The following DYNC2H1 variants were observed in gnomAD, a reference collection of about 807,000 sequenced individuals.
The protein encoded by DYNC2H1 is cytoplasmic dynein 2 heavy chain 1.
In DYNC2H1, 410 loss-of-function variants were observed where a neutral mutation model predicts 570.0. The ratio of observed to expected loss-of-function variants is 0.72; its 90% CI spans 0.66 to 0.78. The LOEUF (loss-of-function observed/expected upper bound fraction) is 0.78, where lower values mean the gene tolerates loss of function less well. Ranked by LOEUF, DYNC2H1 falls within the 30% of genes least tolerant of loss-of-function variation. The probability of loss-of-function intolerance (pLI) is 0.00; values close to 1 mark genes in which losing one functional copy is unlikely to be tolerated. For missense variants in DYNC2H1, 4,865 were observed against 5,046.4 expected (o/e 0.96, Z 1.09); for synonymous variants, 1,688 against 1,677.6 (o/e 1.01, Z -0.15).
Position 103,479,355 on chromosome 11 carries a change from A to T in DYNC2H1, c.*102A>T. ...TCTACATTTGAAATGTTAGTTCAAAATATTAACATATAGTTATGTTGTTGA... is the reference window on the plus strand; with the variant it reads ...TCTACATTTGAAATGTTAGTTCAAATTATTAACATATAGTTATGTTGTTGA... On this transcript the variant is annotated 3_prime_UTR_variant, in exon 89 of 89. Transcript: ENST00000375735. 2 of 1,307,444 alleles carry T rather than the reference A, an allele frequency of 1.5e-6. No individual in the cohort carries two copies. Among genetic ancestry groups the T allele is most frequent in the East Asian group, 5.0e-5 (2 of 39,632 alleles). 81.0% of individuals were successfully genotyped at this position (1,307,444 alleles called of 1,614,324 possible).
intron 34 of DYNC2H1, among the ~76,000 whole-genome samples, 193 bp downstream of exon 34, chr11:103,171,261 C>CT (rs1464035686): frequency 2.7e-5 from 4 of 150,682 alleles, no homozygotes; most frequent in African/African-American, 7.3e-5. Context: ...TTTCATTATT[C>CT]TTTTTTTTTG....
chr11:103,412,203 C>T (rs1383447548), intron 84 of DYNC2H1, among the ~76,000 whole-genome samples: 5 of 151,974 alleles, frequency 3.3e-5, no homozygotes, highest in Non-Finnish European at 1.5e-5. Flanking sequence ...TGATGCCATA[C>T]GATTTAATGT....
chr11:103,234,140 C>T lies in DYNC2H1; in HGVS notation c.9547C>T (p.His3183Tyr). ...EVLINQLDRE[H>Y]KRWNAQVVEI... ...CTTAATTAATCAGCTTGACAGAGAA[C>T]ATAAGAGATGGAATGCACAGGTTTG... is the stretch of plus-strand genomic sequence containing the variant. The change falls in exon 61 of 89, where the codon CAT becomes TAT. Residue 3183 changes from histidine to tyrosine, a missense_variant. Coordinates refer to ENST00000375735, the MANE Select transcript of DYNC2H1 (RefSeq NM_001377.3). The T allele has an allele frequency of 6.3e-7, 1 of 1,584,340 alleles. No individual in the cohort carries two copies. The highest frequency in any genetic ancestry group is 8.6e-7 in the Non-Finnish European group (1 of 1,163,930).
intron 17 of DYNC2H1, among the ~76,000 whole-genome samples, chr11:103,139,830 T>C (rs1400371100): frequency 2.6e-5 from 4 of 152,106 alleles, no homozygotes; most frequent in South Asian, 4.1e-4. Flanking sequence ...AAGTCTTCCA[T>C]TATTATTGTG....
At chr11:103,255,565 T>C in intron 67 of DYNC2H1, 31 bp downstream of exon 67, 1 of 1,503,188 alleles carries the variant, frequency 6.7e-7, no homozygotes, top group Non-Finnish European at 8.8e-7. Context: ...GTTACTTTTT[T>C]CGTATTACTT....
chr11:103,334,713 T>C lies in DYNC2H1; in HGVS notation c.12039+10723T>C, dbSNP rs1162360205. Among the ~76,000 whole-genome samples the C allele has an allele frequency of 6.6e-6, 1 of 152,104 alleles. No homozygotes were observed. Among genetic ancestry groups the C allele is most frequent in the East Asian group, 1.9e-4 (1 of 5,196 alleles). The stretch of plus-strand genomic sequence containing the variant: ...TGCCCATTTAAATTTGAAAATGTTC[T>C]GGTAAGCAAATTTCTTAATAATTAA... On this transcript the variant is annotated intron_variant, in intron 82 of 88. Transcript: ENST00000375735. The surrounding 1 kb of genome is among the most constrained non-coding windows in gnomAD (Gnocchi z 4.3).
intron 83 of DYNC2H1, among the ~76,000 whole-genome samples, chr11:103,389,491 A>G (rs1486191479): frequency 6.7e-6 from 1 of 149,454 alleles, no homozygotes. Flanking sequence ...TTGTGTCTCT[A>G]TTTCCTTCAT....
intron 85 of DYNC2H1, 115 bp downstream of exon 85, chr11:103,436,147 A>T (rs1944052000): frequency 1.3e-6 from 1 of 793,776 alleles, no homozygotes; most frequent in Non-Finnish European, 1.9e-6. Flanking sequence ...CACATAAAAC[A>T]TCATATATTC....
At chr11:103,428,608 G>A (rs1943767397) in intron 84 of DYNC2H1, among the ~76,000 whole-genome samples, 1 of 152,038 alleles carries the variant, frequency 6.6e-6, no homozygotes, top group African/African-American at 2.4e-5. Context: ...TTGAAAAACT[G>A]AAACTCTGTC....
intron 40 of DYNC2H1, 143 bp downstream of exon 40, chr11:103,182,029 T>C: frequency 1.3e-6 from 1 of 781,358 alleles, no homozygotes; most frequent in East Asian, 2.8e-5. Context: ...TACTCCTCTG[T>C]ATCTCTTAGC....
intron 79 of DYNC2H1, among the ~76,000 whole-genome samples, chr11:103,314,930 T>A (rs1485757264): frequency 6.6e-6 from 1 of 152,116 alleles, no homozygotes; most frequent in African/African-American, 2.4e-5. Context: ...AACAGAATGA[T>A]ATAAGAAATT....
intron 32 of DYNC2H1, among the ~76,000 whole-genome samples, chr11:103,169,456 A>G (rs118181466): frequency 0.015 from 2,339 of 152,278 alleles, 30 homozygotes; most frequent in Non-Finnish European, 0.024. Flanking sequence ...TTCTATCATA[A>G]TGAATGAATC....
At chr11:103,469,952 T>C (rs545521078) in intron 88 of DYNC2H1, among the ~76,000 whole-genome samples, 1 of 152,116 alleles carries the variant, frequency 6.6e-6, no homozygotes, top group Non-Finnish European at 1.5e-5. Context: ...TTCCAACGAA[T>C]TTAAATTATA....
rs143710298 is a variant in DYNC2H1, at chr11:103,289,832, C to A, written c.11095+2227C>A. 4.6e-5 allele frequency among the ~76,000 whole-genome samples: 7 copies of A among 152,152 alleles called. No homozygotes were observed. In the East Asian group the frequency reaches 1.4e-3, roughly 30 times the overall value. On this transcript the variant is annotated intron_variant, in intron 75 of 88. Transcript: ENST00000375735. The surrounding 1 kb of genome is among the most constrained non-coding windows in gnomAD (Gnocchi z 4.2). ...ATAATGTTGAATTAAATTTGACATC[C>A]TATATTTAGTTACGATATTTGGACT...
intron 59 of DYNC2H1, 79 bp downstream of exon 59, chr11:103,223,165 AT>A: frequency 2.3e-6 from 3 of 1,327,568 alleles, no homozygotes; most frequent in South Asian, 3.5e-5. Context: ...TATTATTTTT[AT>A]TTTTTCTCTA....
In DYNC2H1 at chr11:103,287,527, T is replaced by G; in HGVS notation, c.11023-6T>G. 6.3e-7 allele frequency: 1 copy of G among 1,598,926 alleles called. No homozygotes were observed. The highest frequency in any genetic ancestry group is 8.5e-7 in the Non-Finnish European group (1 of 1,173,804). On this transcript the variant is annotated splice_region_variant and splice_polypyrimidine_tract_variant and intron_variant, in intron 74 of 88. Transcript: ENST00000375735. ...TCTTTAAAAATATTCTGCATTTTAT[T>G]TTAAGATTCTTGTAGTACAGGCGCT...
chr11:103,398,154 G>A (rs925863722), intron 83 of DYNC2H1, among the ~76,000 whole-genome samples: 2 of 152,070 alleles, frequency 1.3e-5, no homozygotes, highest in Admixed American at 1.3e-4. Context: ...CAGGAACCCT[G>A]TTTTAATATA....
Position 103,259,951 on chromosome 11 carries a change from G to T in DYNC2H1, c.10669G>T (p.Glu3557Ter). 6.6e-7 allele frequency: 1 copy of T among 1,520,778 alleles called. No homozygotes were observed. The highest frequency in any genetic ancestry group is 1.3e-5 in the South Asian group (1 of 78,644). The allele number at this position is 1,520,778 out of a possible 1,614,324, so 94.2% of individuals were successfully genotyped here. A position where few individuals can be genotyped will look rare whatever the true frequency, so the allele number is the denominator to read the frequency against. Reference protein sequence around the residue: ...LISSLQHMVYEYICRCLFKAD... With the variant: ...LISSLQHMVY ...CAGCTCATTACAACATATGGTATAT[G>T]AATATATATGTCGTTGTCTATTTAA... is the stretch of plus-strand genomic sequence containing the variant. The change falls in exon 70 of 89, where the codon GAA (glutamate) becomes TAA (stop). Residue 3557 changes from glutamate to a stop codon, truncating the protein, a stop_gained. Coordinates refer to ENST00000375735, the MANE Select transcript of DYNC2H1 (RefSeq NM_001377.3). LOFTEE classifies it high-confidence loss of function.
chr11:103,274,520 T>C, intron 70 of DYNC2H1, among the ~76,000 whole-genome samples: 1 of 152,306 alleles, frequency 6.6e-6, no homozygotes, highest in Non-Finnish European at 1.5e-5. Flanking sequence ...CTATATGTTA[T>C]TATAATCATT....
Sources: allele counts gnomAD v4.1 joint callset (sites outside exome capture counted in the v4.1 genomes callset), GRCh38; gene constraint gnomAD v4.1.1; non-coding constraint Gnocchi (gnomAD v3.1); transcripts MANE v1.5; gene names NCBI Gene and HGNC (gene_info 2026-07-23, HGNC 2026-07-21).